Variants in CCDC187 observed in about 807,000 individuals in gnomAD.
CCDC187 encodes the protein coiled-coil domain containing 187, also known as coiled-coil domain-containing protein 187.
CCDC187 carries 32 observed loss-of-function variants against 38.0 expected under a neutral mutation model. The observed-to-expected ratio is 0.84, with a 90% confidence interval of 0.64 to 1.13. CCDC187 has a LOEUF of 1.13. CCDC187 is among the 50% of genes most tolerant of loss of function. The pLI, the probability that CCDC187 is intolerant of heterozygous loss-of-function variation, is 0.00. For synonymous variants in CCDC187, 333 were observed against 347.9 expected (o/e 0.96, Z 0.48); for missense variants, 707 against 786.8 (o/e 0.90, Z 1.21).
chr9:136,283,415 C>T (rs1183130238), intron 9 of CCDC187, among the ~76,000 whole-genome samples: 1 of 152,256 alleles, frequency 6.6e-6, no homozygotes, highest in Non-Finnish European at 1.5e-5. Context: ...TGGTGAGTGG[C>T]AACGGACAGG....
chr9:136,291,115 T>C lies in CCDC187; in HGVS notation c.1498A>G (p.Ser500Gly), dbSNP rs1366865617. Residue 500 changes from serine to glycine, a missense_variant, in exon 6 of 26, where the codon AGT becomes GGT. Coordinates refer to ENST00000638797, the MANE Select transcript of CCDC187 (RefSeq NM_001378188.1). Reference protein sequence around the residue: ...PWSALAGQACSPQRAWGAQRQ... With the variant: ...PWSALAGQACGPQRAWGAQRQ... ...TGGGCCCCCCAGGCCCTCTGCGGAC[T>C]GCAGGCCTGCCCAGCCAGTGCACTC... The C allele has an allele frequency of 2.5e-6, 1 of 397,258 alleles. No homozygotes were observed. 24.6% of individuals were successfully genotyped at this position (397,258 alleles called of 1,614,324 possible).
At chr9:136,281,288 C>T (rs904543712) in intron 10 of CCDC187, 47,494 of 397,582 alleles carry the variant, frequency 0.12, 3,329 homozygotes, top group Admixed American at 0.2. Flanking sequence ...CACAGCGGCA[C>T]GGGGCATGGC....
chr9:136,276,978 G>A (rs930923767), intron 10 of CCDC187, among the ~76,000 whole-genome samples: 4 of 152,024 alleles, frequency 2.6e-5, no homozygotes, highest in Non-Finnish European at 5.9e-5. Context: ...GGAAGGACAC[G>A]GAGACCCACT....
rs1428398829 is a variant in CCDC187 at position 136,277,409 on chromosome 9, AGGGT to A, written c.3041-686_3041-683del. 1.6e-4 allele frequency among the ~76,000 whole-genome samples: 13 copies of A among 82,356 alleles called. No individual in the cohort carries two copies. In the South Asian group the frequency reaches 3.4e-3, roughly 22 times the overall value. 54.0% of individuals were successfully genotyped at this position (82,356 alleles called of 152,430 possible). ...ACAGACAGGGCAGGTGGGTGCTCAC[AGGGT>A]GGGTGGGTGCTGAGGGGGTGAGTGG... On this transcript the variant is annotated intron_variant, in intron 10 of 25. Transcript: ENST00000638797.
rs1255206051 is a variant in CCDC187 at position 136,292,234 on chromosome 9, A to C, written c.894T>G (p.Leu298=). The C allele has an allele frequency of 5.0e-6, 2 of 398,648 alleles. No homozygotes were observed. The highest frequency in any genetic ancestry group is 2.1e-5 in the African/African-American group (1 of 48,644). 24.7% of individuals were successfully genotyped at this position (398,648 alleles called of 1,614,324 possible). A position where few individuals can be genotyped will look rare whatever the true frequency, so the allele number is the denominator to read the frequency against. ...GCCTGCGGAGGACGGGAGGGGGCCC[A>C]AGCAGCGACCTCACCAGAGCTTGTC... ...RKGQALVRSL[L]GPPPVLRRHH... is the part of the protein sequence containing the mutation. Residue 298 remains leucine, a synonymous_variant, in exon 5 of 26, where the codon CTT becomes CTG. Transcript: ENST00000638797.
intron 4 of CCDC187, among the ~76,000 whole-genome samples, chr9:136,294,437 C>T (rs1450294433): frequency 1.3e-5 from 2 of 152,204 alleles, no homozygotes; most frequent in Admixed American, 6.5e-5. Context: ...TTAGGCCCAG[C>T]CCAGGGCAGC....
intron 19 of CCDC187, among the ~76,000 whole-genome samples, chr9:136,261,556 G>A (rs1830679169): frequency 6.6e-6 from 1 of 152,228 alleles, no homozygotes; most frequent in Admixed American, 6.5e-5. Context: ...CCTCTTCAGA[G>A]ATTCCTGGGA....
intron 14 of CCDC187, among the ~76,000 whole-genome samples, chr9:136,268,734 C>T (rs1830790390): frequency 6.6e-6 from 1 of 152,034 alleles, no homozygotes; most frequent in African/African-American, 2.4e-5. Flanking sequence ...TGTGTGTATA[C>T]ATATATATAT....
At chr9:136,275,694 T>A (rs1189727881) in intron 12 of CCDC187, among the ~76,000 whole-genome samples, 1 of 152,188 alleles carries the variant, frequency 6.6e-6, no homozygotes, top group Admixed American at 6.5e-5. Flanking sequence ...TGGGTGACAT[T>A]GTCCCCTCAT....
intron 14 of CCDC187, among the ~76,000 whole-genome samples, chr9:136,271,521 A>T (rs895966523): frequency 6.6e-6 from 1 of 152,182 alleles, no homozygotes; most frequent in Non-Finnish European, 1.5e-5. Flanking sequence ...ACTCTGTCTC[A>T]AAAAATAAAA....
At chr9:136,297,964 C>T (rs925401876) in intron 3 of CCDC187, 143 bp from the exon 4 acceptor site, 8 of 392,672 alleles carry the variant, frequency 2.0e-5, no homozygotes, top group Non-Finnish European at 3.1e-5. Context: ...CCCTGCTTGG[C>T]GAGAGCCAGG....
intron 7 of CCDC187, among the ~76,000 whole-genome samples, chr9:136,287,120 C>T (rs1475215530): frequency 6.6e-6 from 1 of 152,142 alleles, no homozygotes; most frequent in Non-Finnish European, 1.5e-5. Context: ...CAGTGTCCAT[C>T]GAGGGACGAA....
At position 136,266,002 on chromosome 9, in the gene CCDC187, A is replaced by G; in HGVS notation, c.3689T>C (p.Leu1230Pro). 1.0e-6 allele frequency: 1 copy of G among 985,442 alleles called. No homozygotes were observed. The highest frequency in any genetic ancestry group is 4.7e-5 in the South Asian group (1 of 21,274). The allele number at this position is 985,442 out of a possible 1,614,324, so 61.0% of individuals were successfully genotyped here. A position where few individuals can be genotyped will look rare whatever the true frequency, so the allele number is the denominator to read the frequency against. ...SKRDRAVLAA[L>P]VEKQQQALSR... ...GAGGGCTTGCTGCTGCTTCTCAACC[A>G]GCGCGGCCAGCACAGCTCTGTCCCT... The change falls in exon 17 of 26, where the codon CTG becomes CCG. Residue 1230 changes from leucine to proline, a missense_variant. Coordinates refer to ENST00000638797, the MANE Select transcript of CCDC187 (RefSeq NM_001378188.1).
chr9:136,295,546 T>A (rs1174716915), intron 4 of CCDC187, among the ~76,000 whole-genome samples: 1 of 152,244 alleles, frequency 6.6e-6, no homozygotes, highest in Non-Finnish European at 1.5e-5. Flanking sequence ...TCAGGCTTCA[T>A]TTTCCTTTGG....
chr9:136,272,066 G>A (rs62579934), intron 14 of CCDC187, among the ~76,000 whole-genome samples: 16,688 of 152,180 alleles, frequency 0.11, 1,224 homozygotes, highest in Admixed American at 0.2. Flanking sequence ...AGAATTCTAT[G>A]TCCAGGAAAG....
chr9:136,283,109 C>T (rs1831085432), intron 9 of CCDC187, among the ~76,000 whole-genome samples: 2 of 152,118 alleles, frequency 1.3e-5, no homozygotes, highest in South Asian at 2.1e-4. Context: ...ATTAGCTGGG[C>T]GTGGTGGCGG....
chr9:136,267,685 C>G lies in CCDC187; in HGVS notation c.3520-174G>C, dbSNP rs568128216. On this transcript the variant is annotated intron_variant, in intron 15 of 25. Transcript: ENST00000638797. Reference sequence around the variant, plus strand: ...GCCCGCCCCTCCCATCCCCCTATGCCGCCCTCGCTTCCCCGACTGTGAGCT... The same window carrying G: ...GCCCGCCCCTCCCATCCCCCTATGCGGCCCTCGCTTCCCCGACTGTGAGCT... 232 of 932,738 alleles carry G rather than the reference C, an allele frequency of 2.5e-4. 2 individuals carry two copies. In the African/African-American group the frequency reaches 3.9e-3, roughly 15 times the overall value. 57.8% of individuals were successfully genotyped at this position (932,738 alleles called of 1,614,324 possible). A position where few individuals can be genotyped will look rare whatever the true frequency, so the allele number is the denominator to read the frequency against.
At chr9:136,293,891 CACA>C (rs1361569345) in intron 4 of CCDC187, among the ~76,000 whole-genome samples, 3 of 151,730 alleles carry the variant, frequency 2.0e-5, no homozygotes, top group Non-Finnish European at 4.4e-5. Context: ...CACGCTCACA[CACA>C]ACCACACACA....
rs183140630 is a variant in CCDC187, at chr9:136,263,319, C to T, written c.3912+303G>A. 1.3e-3 allele frequency among the ~76,000 whole-genome samples: 201 copies of T among 151,696 alleles called. 1 individual carries two copies. Among genetic ancestry groups the T allele is most frequent in the Non-Finnish European group, 2.4e-3 (163 of 67,890 alleles). ...GCATATCTCGGCTCACTGCAGACTCCGCCCCCCGGGGTTCATGCCATTCTC... is the reference window on the plus strand; with the variant it reads ...GCATATCTCGGCTCACTGCAGACTCTGCCCCCCGGGGTTCATGCCATTCTC... On this transcript the variant is annotated intron_variant, in intron 18 of 25. Coordinates refer to ENST00000638797, the MANE Select transcript of CCDC187 (RefSeq NM_001378188.1).
Sources: gnomAD v4.1 joint callset for allele counts (sites outside exome capture counted in the v4.1 genomes callset) on GRCh38, gnomAD v4.1.1 for gene constraint, MANE v1.5 for transcripts, NCBI Gene and HGNC (gene_info 2026-07-23, HGNC 2026-07-21) for gene names.